The following GDF5 variants were observed in gnomAD, a reference collection of about 807,000 sequenced individuals.
GDF5 encodes the protein growth differentiation factor 5.
A neutral mutation model predicts 34.6 loss-of-function variants in GDF5; 17 were observed. The ratio of observed to expected loss-of-function variants is 0.49; its 90% confidence interval spans 0.34 to 0.74. The LOEUF is 0.74. GDF5 is among the 30% of genes least tolerant of loss of function. The probability of loss-of-function intolerance (pLI) is 0.01; values close to 1 mark genes in which losing one functional copy is unlikely to be tolerated. For synonymous variants in GDF5, 332 were observed against 290.7 expected (o/e 1.14, Z -1.44); for missense variants, 616 against 661.2 (o/e 0.93, Z 0.75).
upstream of GDF5, among the ~76,000 whole-genome samples, chr20:35,438,406 G>A (rs1040169396): frequency 2.9e-5 from 4 of 135,870 alleles, no homozygotes; most frequent in Non-Finnish European, 6.5e-5. Context: ...AGGCCTGCAG[G>A]TGCTCAGAAA....
At chr20:35,448,408 A>T (rs1304373956) in intron 1 of GDF5, among the ~76,000 whole-genome samples, 4 of 142,756 alleles carry the variant, frequency 2.8e-5, no homozygotes, top group Non-Finnish European at 6.1e-5. Flanking sequence ...AAAAAAAAAA[A>T]AAAAAATATA....
At chr20:35,440,570 A>G (rs1267682064), upstream of GDF5, among the ~76,000 whole-genome samples, 5 of 151,984 alleles carry the variant, frequency 3.3e-5, no homozygotes, top group Non-Finnish European at 5.9e-5. Flanking sequence ...CTCCTCCATG[A>G]AGCCTTCTTG....
chr20:35,440,660 A>G (rs1421437726), upstream of GDF5, among the ~76,000 whole-genome samples: 4 of 152,158 alleles, frequency 2.6e-5, no homozygotes, highest in Admixed American at 1.3e-4. Flanking sequence ...GGCAGCTGAA[A>G]GTTTATTCAG....
At position 35,453,286 on chromosome 20, in the gene GDF5, T is replaced by C. The variant is rs1435035665; in HGVS notation, c.-398+1354A>G. ...AAACAGAAGACTATCCTAGAAAGTATAGGGTATTACTTTAGATAGCATGGT... is the reference window on the plus strand; with the variant it reads ...AAACAGAAGACTATCCTAGAAAGTACAGGGTATTACTTTAGATAGCATGGT... On this transcript the variant is annotated intron_variant, in intron 1 of 3. Coordinates refer to the GDF5 transcript ENST00000374372. Among the ~76,000 whole-genome samples the C allele has an allele frequency of 2.6e-5, 4 of 152,092 alleles. No homozygotes were observed. In the East Asian group the frequency reaches 7.7e-4, roughly 29 times the overall value.
upstream of GDF5, among the ~76,000 whole-genome samples, chr20:35,439,405 T>C (rs984649634): frequency 2.6e-5 from 4 of 151,984 alleles, no homozygotes; most frequent in African/African-American, 9.7e-5. Flanking sequence ...TTTTTTACGT[T>C]TGTAGTAGAG....
At chr20:35,440,854 G>T (rs1294943350), upstream of GDF5, among the ~76,000 whole-genome samples, 1 of 152,136 alleles carries the variant, frequency 6.6e-6, no homozygotes, top group Non-Finnish European at 1.5e-5. Flanking sequence ...CTTGGCAGAG[G>T]GCCCAGCCCA....
chr20:35,441,572 A>G (rs1292778375), upstream of GDF5, among the ~76,000 whole-genome samples: 2 of 149,886 alleles, frequency 1.3e-5, no homozygotes, highest in African/African-American at 2.5e-5. Context: ...CTCCTGCCTC[A>G]GCCTCCCAAG....
At chr20:35,449,563 C>T (rs1222532049) in intron 1 of GDF5, among the ~76,000 whole-genome samples, 1 of 152,166 alleles carries the variant, frequency 6.6e-6, no homozygotes, top group Admixed American at 6.5e-5. Flanking sequence ...TACTTGCTTG[C>T]CTGCCATGTG....
Position 35,434,463 on chromosome 20 carries a change from G to T in GDF5, c.952C>A (p.Arg318=). The T allele has an allele frequency of 1.2e-6, 2 of 1,612,520 alleles. No individual in the cohort carries two copies. The highest frequency in any genetic ancestry group is 1.7e-6 in the Non-Finnish European group (2 of 1,179,268). The change falls in exon 2 of 2, where the codon CGG becomes AGG. Residue 318 remains arginine (R), a synonymous_variant. Coordinates refer to ENST00000374369, the MANE Select transcript of GDF5 (RefSeq NM_000557.5). ...CCACGGAGGTCCACGGCCCTGCCCC[G>T]TTCCCAGGCCTCCAGCTCCAGGCAC... ...QLCLELEAWE[R]GRAVDLRGLG... is the part of the protein sequence containing the mutation.
Position 35,434,648 on chromosome 20 carries a change from C to G in GDF5, c.767G>C (p.Gly256Ala). The G allele has an allele frequency of 6.2e-7, 1 of 1,609,096 alleles. No homozygotes were observed. Among genetic ancestry groups the G allele is most frequent in the Non-Finnish European group, 8.5e-7 (1 of 1,176,616 alleles). ...PSDTAKPAAPGGGRAAQLKLS... is the reference protein window; with the variant it reads ...PSDTAKPAAPAGGRAAQLKLS... ...CTTCAGCTGGGCAGCCCGCCCGCCTCCGGGGGCCGCTGGCTTGGCCGTGTC... is the reference window on the plus strand; with the variant it reads ...CTTCAGCTGGGCAGCCCGCCCGCCTGCGGGGGCCGCTGGCTTGGCCGTGTC... Residue 256 changes from glycine to alanine, a missense_variant, in exon 2 of 2, where the codon GGA becomes GCA. Physicochemically the swap from Gly to Ala is moderately conservative, Grantham distance 60. Coordinates refer to ENST00000374369, the MANE Select transcript of GDF5 (RefSeq NM_000557.5).
intron 1 of GDF5, among the ~76,000 whole-genome samples, chr20:35,447,210 C>A (rs1266801607): frequency 6.6e-6 from 1 of 152,080 alleles, no homozygotes; most frequent in Non-Finnish European, 1.5e-5. Flanking sequence ...CCCCTCCCCC[C>A]ACCTCACAAC....
chr20:35,442,992 G>A (rs2062502838), upstream of GDF5, among the ~76,000 whole-genome samples: 1 of 152,228 alleles, frequency 6.6e-6, no homozygotes, highest in Admixed American at 6.5e-5. Context: ...ACTGGGGAAA[G>A]TTACAGTATT....
chr20:35,448,003 C>A (rs1377310742), intron 1 of GDF5, among the ~76,000 whole-genome samples: 3 of 151,990 alleles, frequency 2.0e-5, no homozygotes, highest in African/African-American at 7.3e-5. Flanking sequence ...ATATTCATAC[C>A]AAATATATTT....
intron 1 of GDF5, among the ~76,000 whole-genome samples, chr20:35,443,501 G>GATTATC (rs1555824128): frequency 3.3e-5 from 5 of 150,124 alleles, no homozygotes; most frequent in African/African-American, 1.2e-4. Context: ...CAGTTGGCCA[G>GATTATC]ATTATTATTA....
chr20:35,434,539 C>T lies in GDF5; in HGVS notation c.876G>A (p.Glu292=), dbSNP rs753690134. 2.5e-6 allele frequency: 4 copies of T among 1,600,206 alleles called. No individual in the cohort carries two copies. Among genetic ancestry groups the T allele is most frequent in the Non-Finnish European group, 2.6e-6 (3 of 1,172,560 alleles). The change falls in exon 2 of 2, where the codon GAG becomes GAA. Residue 292 remains glutamate (E), a synonymous_variant. Transcript: ENST00000374369. The part of the protein sequence containing the change: ...SVPGLDGSGW[E]VFDIWKLFRN... ...GGAAGAGCTTCCAGATGTCGAACAC[C>T]TCCCAGCCAGATCCGTCCAGGCCTG...
intron 1 of GDF5, chr20:35,435,040 CAT>C: frequency 3.2e-6 from 2 of 629,062 alleles, no homozygotes; most frequent in South Asian, 3.8e-5. Context: ...GTGTTTGTGT[CAT>C]GATATACGTG....
chr20:35,437,176 C>T (rs540306855), intron 1 of GDF5, 122 bp downstream of exon 1: 25 of 741,340 alleles, frequency 3.4e-5, no homozygotes, highest in African/African-American at 2.4e-4. Flanking sequence ...TCCCCAGACA[C>T]CCACCCCGGG....
At chr20:35,449,747 G>C (rs2062524682) in intron 1 of GDF5, among the ~76,000 whole-genome samples, 1 of 152,122 alleles carries the variant, frequency 6.6e-6, no homozygotes, top group African/African-American at 2.4e-5. Context: ...ACTTTGGGAG[G>C]CTAAAGTAGG....
chr20:35,437,110 C>T (rs1041884966), intron 1 of GDF5, among the ~76,000 whole-genome samples, 188 bp downstream of exon 1: 1 of 152,150 alleles, frequency 6.6e-6, no homozygotes, highest in African/African-American at 2.4e-5. Flanking sequence ...TAGGTGCCCT[C>T]CAGCCCTGAT....
Sources: allele counts gnomAD v4.1 joint callset (sites outside exome capture counted in the v4.1 genomes callset), GRCh38; gene constraint gnomAD v4.1.1; transcripts MANE v1.5; gene names NCBI Gene and HGNC (gene_info 2026-07-23, HGNC 2026-07-21).